The following SREK1 variants were observed in gnomAD, a reference collection of about 807,000 sequenced individuals.
SREK1 encodes splicing regulatory glutamic acid and lysine rich protein 1.
SREK1 carries 13 observed loss-of-function variants against 66.5 expected under a neutral mutation model. That is an observed-to-expected ratio of 0.20 (90% CI 0.13 to 0.31). The LOEUF is 0.31. Among genes scored for constraint, SREK1 ranks in the 10% least tolerant of loss-of-function variants. The probability of loss-of-function intolerance (pLI) is 1.00; values close to 1 mark genes in which losing one functional copy is unlikely to be tolerated. For missense variants in SREK1, 607 were observed against 769.6 expected, an observed-to-expected ratio of 0.79 and a Z score of 2.50; for synonymous variants, 265 against 263.5, an observed-to-expected ratio of 1.01 and a Z score of -0.05.
At chr5:66,153,887 G>T in intron 2 of SREK1, 1 of 315,572 alleles carries the variant, frequency 3.2e-6, no homozygotes, top group Non-Finnish European at 5.8e-6. Flanking sequence ...AAAAATAATT[G>T]ATATGGGAAA....
At chr5:66,171,210 G>A (rs1745618197) in intron 9 of SREK1, among the ~76,000 whole-genome samples, 1 of 152,110 alleles carries the variant, frequency 6.6e-6, no homozygotes, top group Admixed American at 6.6e-5. Context: ...TTCTTAGAGG[G>A]TGGGATGGCA....
rs752970655 is a variant in SREK1 at position 66,163,813 on chromosome 5, A to C, written c.777A>C (p.Ala259=). Residue 259 remains alanine (A), a synonymous_variant, in exon 6 of 12, where the codon GCA becomes GCC. Transcript: ENST00000334121. ...RPLKINHSNN[A]IVKPPEMTPQ... Reference sequence around the variant, plus strand: ...TTAGAATAAATCACTCCAACAATGCAATAGTAAAACCCCCTGAGATGACAC... The same window carrying C: ...TTAGAATAAATCACTCCAACAATGCCATAGTAAAACCCCCTGAGATGACAC... 2 of 1,613,164 alleles carry C rather than the reference A, an allele frequency of 1.2e-6. No individual in the cohort carries two copies. Among genetic ancestry groups the C allele is most frequent in the South Asian group, 2.2e-5 (2 of 90,966 alleles).
chr5:66,144,392 G>A lies in SREK1; in HGVS notation c.16G>A (p.Gly6Ser). The change falls in exon 1 of 12, where the codon GGC becomes AGC. Residue 6 changes from glycine (G) to serine (S), a missense_variant. This residue lies in a region of SREK1 where 75 missense variants were observed against 72.9 expected (regional missense o/e 1.03). Transcript: ENST00000334121. MNSGG[G>S]FGLGLGFGLT... ...CGGGATCGGGATGAACAGCGGCGGC[G>A]GCTTCGGTTTGGGCTTAGGCTTCGG... is the stretch of plus-strand genomic sequence containing the variant. 4 of 1,548,878 alleles carry A rather than the reference G, an allele frequency of 2.6e-6. No homozygotes were observed. The highest frequency in any genetic ancestry group is 3.5e-6 in the Non-Finnish European group (4 of 1,145,378).
chr5:66,152,759 A>G (rs367945248), intron 1 of SREK1, among the ~76,000 whole-genome samples: 54 of 152,330 alleles, frequency 3.5e-4, no homozygotes, highest in African/African-American at 1.3e-3. Context: ...CAAAATGATT[A>G]TCCATGAGGA....
At chr5:66,162,775 A>G in intron 5 of SREK1, 183 bp downstream of exon 5, 1 of 537,270 alleles carries the variant, frequency 1.9e-6, no homozygotes, top group South Asian at 3.4e-5. Flanking sequence ...TCCTTTATTT[A>G]GAGACATTTA....
intron 5 of SREK1, 60 bp from the exon 6 acceptor site, chr5:66,163,728 ATGTT>A (rs1441032053): frequency 6.6e-6 from 10 of 1,523,386 alleles, no homozygotes; most frequent in African/African-American, 4.2e-5. Context: ...TATCATATAA[ATGTT>A]TGTTTCATGT....
intron 1 of SREK1, among the ~76,000 whole-genome samples, chr5:66,149,310 A>G (rs1019028397): frequency 3.3e-5 from 5 of 152,022 alleles, no homozygotes; most frequent in South Asian, 4.1e-4. Context: ...GGATCCCGCC[A>G]TTGCACTCCA....
At position 66,180,264 on chromosome 5, in the gene SREK1, A is replaced by G. The variant is rs1226578211; in HGVS notation, c.*1396A>G. The G allele has an allele frequency of 1.3e-5, 2 of 152,578 alleles. No individual in the cohort carries two copies. Among genetic ancestry groups the G allele is most frequent in the South Asian group, 2.1e-4 (1 of 4,834 alleles). The allele number at this position is 152,578 out of a possible 1,614,324, so 9.5% of individuals were successfully genotyped here. On this transcript the variant is annotated 3_prime_UTR_variant, in exon 12 of 12. Coordinates refer to ENST00000334121, the MANE Select transcript of SREK1 (RefSeq NM_001077199.3). The stretch of plus-strand genomic sequence containing the variant: ...ACTGCTAATGTTTTTCCCCAGTACT[A>G]TAACTTGTGGTTTCTGAACTCATTA...
intron 10 of SREK1, chr5:66,177,288 G>T (rs1746136786): frequency 2.7e-6 from 1 of 375,430 alleles, no homozygotes; most frequent in Non-Finnish European, 4.7e-6. Context: ...ACATATGGTG[G>T]CCTCTGCCAA....
chr5:66,170,553 A>T, intron 8 of SREK1, 32 bp from the exon 9 acceptor site: 1 of 1,567,730 alleles, frequency 6.4e-7, no homozygotes, highest in Non-Finnish European at 8.6e-7. Flanking sequence ...GAACTATTTT[A>T]GTTATGAATT....
At chr5:66,177,243 A>G (rs777526710) in intron 10 of SREK1, 7 of 251,678 alleles carry the variant, frequency 2.8e-5, no homozygotes, top group South Asian at 1.3e-4. Flanking sequence ...TTCGAAAACT[A>G]TTAAATAGGC....
intron 2 of SREK1, among the ~76,000 whole-genome samples, chr5:66,155,031 T>G (rs1744161287): frequency 6.6e-6 from 1 of 150,470 alleles, no homozygotes; most frequent in African/African-American, 2.4e-5. Flanking sequence ...TTGTGTTAGC[T>G]TATTACTGAA....
chr5:66,178,162 A>G (rs943623362), intron 11 of SREK1, among the ~76,000 whole-genome samples: 1 of 152,068 alleles, frequency 6.6e-6, no homozygotes. Flanking sequence ...ATTTTGGAAC[A>G]TCTATCTTAT....
rs751565783 is a variant in SREK1, at chr5:66,170,905, C to T, written c.1442C>T (p.Pro481Leu). The T allele has an allele frequency of 6.2e-7, 1 of 1,611,592 alleles. No individual in the cohort carries two copies. The highest frequency in any genetic ancestry group is 8.5e-7 in the Non-Finnish European group (1 of 1,179,450). Residue 481 changes from proline (P) to leucine (L), a missense_variant, in exon 9 of 12, where the codon CCC becomes CTC. This residue lies in a region of SREK1 where 318 missense variants were observed against 310.3 expected (regional missense o/e 1.02). Coordinates refer to ENST00000334121, the MANE Select transcript of SREK1 (RefSeq NM_001077199.3). ...AAGGATAAAAAATCCAGAACACCAC[C>T]CAGGAGTTACAATGCATCGCGAAGA... Reference protein sequence around the residue: ...RKKDKKSRTPPRSYNASRRSR... With the variant: ...RKKDKKSRTPLRSYNASRRSR...
chr5:66,172,103 A>T (rs1001567351), intron 9 of SREK1, among the ~76,000 whole-genome samples: 1 of 152,178 alleles, frequency 6.6e-6, no homozygotes, highest in Non-Finnish European at 1.5e-5. Context: ...GGATTTCAGC[A>T]CATTGAACCA....
rs1156735791 is a variant in SREK1, at chr5:66,162,159, C to T, written c.462C>T (p.Asp154=). The T allele has an allele frequency of 1.9e-6, 3 of 1,614,028 alleles. No homozygotes were observed. The highest frequency in any genetic ancestry group is 2.2e-5 in the South Asian group (2 of 91,090). Residue 154 remains aspartate, a synonymous_variant, in exon 4 of 12, where the codon GAC becomes GAT. Coordinates refer to ENST00000334121, the MANE Select transcript of SREK1 (RefSeq NM_001077199.3). The part of the protein sequence containing the change: ...SLGAIPAAAL[D]PNIATLGEIP... ...GAGCTATACCAGCAGCAGCACTAGA[C>T]CCCAACATTGCAACACTTGGAGAGA...
intron 9 of SREK1, among the ~76,000 whole-genome samples, chr5:66,171,607 CCTAA>C (rs2112083070): frequency 6.6e-6 from 1 of 152,060 alleles, no homozygotes; most frequent in Admixed American, 6.6e-5. Flanking sequence ...AATGGAAGTT[CCTAA>C]CTTATACTAC....
Position 66,174,982 on chromosome 5 carries a change from A to G in SREK1, c.1521A>G (p.Arg507=), listed in dbSNP as rs771106954. The change falls in exon 10 of 12, where the codon AGA becomes AGG. Residue 507 remains arginine, a synonymous_variant. Coordinates refer to ENST00000334121, the MANE Select transcript of SREK1 (RefSeq NM_001077199.3). The part of the protein sequence containing the change: ...RRRRRSRSSS[R]SPRTSKTIKR... Reference sequence around the variant, plus strand: ...GGAGGAGGAGCAGGAGTTCTTCCAGATCGCCAAGAACATCAAAAACCATAA... The same window carrying G: ...GGAGGAGGAGCAGGAGTTCTTCCAGGTCGCCAAGAACATCAAAAACCATAA... The G allele has an allele frequency of 5.6e-6, 9 of 1,613,028 alleles. No individual in the cohort carries two copies. The African/African-American group carries it at 6.7e-5, about 12-fold the overall frequency.
intron 5 of SREK1, 106 bp from the exon 6 acceptor site, chr5:66,163,686 T>C: frequency 8.3e-7 from 1 of 1,199,412 alleles, no homozygotes; most frequent in Non-Finnish European, 1.1e-6. Flanking sequence ...TCTTACGTGC[T>C]TCTGAGATGT....
Sources: allele counts gnomAD v4.1 joint callset (sites outside exome capture counted in the v4.1 genomes callset), GRCh38; gene constraint gnomAD v4.1.1; regional missense constraint gnomAD v4.1.1; transcripts MANE v1.5; gene names NCBI Gene and HGNC (gene_info 2026-07-23, HGNC 2026-07-21).